Variants in TPX2 observed in about 807,000 individuals in gnomAD.
TPX2 encodes the protein targeting protein for Xklp2.
TPX2 carries 21 observed loss-of-function variants against 93.6 expected under a neutral mutation model. The ratio of observed to expected loss-of-function variants is 0.22; its 90% CI spans 0.16 to 0.32. The LOEUF (loss-of-function observed/expected upper bound fraction) is 0.32, where lower values mean the gene tolerates loss of function less well. Among genes scored for constraint, TPX2 ranks in the 10% least tolerant of loss-of-function variants. The probability of loss-of-function intolerance (pLI) is 1.00; values close to 1 mark genes in which losing one functional copy is unlikely to be tolerated. For synonymous variants in TPX2, 281 were observed against 298.3 expected, an observed-to-expected ratio of 0.94 and a Z score of 0.60; for missense variants, 776 against 871.1, an observed-to-expected ratio of 0.89 and a Z score of 1.37.
chr20:31,747,268 G>T (rs950312928), intron 2 of TPX2, among the ~76,000 whole-genome samples: 1 of 152,000 alleles, frequency 6.6e-6, no homozygotes, highest in Non-Finnish European at 1.5e-5. Context: ...TTAAAGGCAC[G>T]TACCCACCAC....
chr20:31,796,910 A>G (rs953110389), intron 15 of TPX2, among the ~76,000 whole-genome samples: 8 of 152,036 alleles, frequency 5.3e-5, no homozygotes, highest in African/African-American at 1.7e-4. Flanking sequence ...TGATGTTTCA[A>G]TATGTATAAT....
intron 10 of TPX2, chr20:31,780,942 C>T (rs1316351734): frequency 2.4e-6 from 1 of 409,770 alleles, no homozygotes; most frequent in Non-Finnish European, 4.8e-6. Context: ...TTTTTAGAGA[C>T]AGGGTCTTGC....
Position 31,757,494 on chromosome 20 carries a change from C to T in TPX2, c.18C>T (p.Ser6=). Residue 6 remains serine, a synonymous_variant, in exon 3 of 18, where the codon AGC becomes AGT. Transcript: ENST00000300403. The part of the protein sequence containing the change: MSQVK[S]SYSYDAPSDF... ...GGGAGACAATGTCACAAGTTAAAAG[C>T]TCTTATTCCTATGATGCCCCCTCGG... is the stretch of plus-strand genomic sequence containing the variant. The T allele has an allele frequency of 6.2e-7, 1 of 1,614,012 alleles. No individual in the cohort carries two copies. The highest frequency in any genetic ancestry group is 1.1e-5 in the South Asian group (1 of 91,068).
intron 3 of TPX2, among the ~76,000 whole-genome samples, chr20:31,758,787 A>G (rs1202667436): frequency 6.6e-6 from 1 of 152,156 alleles, no homozygotes; most frequent in Non-Finnish European, 1.5e-5. Context: ...GTAAATAAAT[A>G]CAAGGGCCAG....
At chr20:31,747,406 C>T (rs1312778004) in intron 2 of TPX2, among the ~76,000 whole-genome samples, 16 of 152,194 alleles carry the variant, frequency 1.1e-4, no homozygotes, top group Admixed American at 1.0e-3. Flanking sequence ...GCATAAGTCA[C>T]TGTGCCCGGC....
intron 7 of TPX2, among the ~76,000 whole-genome samples, chr20:31,774,771 T>G (rs2061985386): frequency 1.3e-5 from 2 of 152,198 alleles, no homozygotes; most frequent in Admixed American, 6.5e-5. Context: ...CTACTGGTCT[T>G]TTTTTGTTTT....
chr20:31,797,251 T>C (rs2123099635), intron 15 of TPX2, among the ~76,000 whole-genome samples, 153 bp from the exon 16 acceptor site: 1 of 152,352 alleles, frequency 6.6e-6, no homozygotes, highest in Non-Finnish European at 1.5e-5. Context: ...GATCTGTTCA[T>C]TGTAAAGTTT....
At chr20:31,791,430 C>T (rs1007737765) in intron 12 of TPX2, among the ~76,000 whole-genome samples, 1 of 152,086 alleles carries the variant, frequency 6.6e-6, no homozygotes, top group African/African-American at 2.4e-5. Context: ...ACTACAGGCA[C>T]CCGCCACCAT....
At chr20:31,747,293 G>T (rs2061789578) in intron 2 of TPX2, among the ~76,000 whole-genome samples, 3 of 152,092 alleles carry the variant, frequency 2.0e-5, no homozygotes, top group African/African-American at 7.2e-5. Flanking sequence ...GCTAATTTTT[G>T]TATTTTTAGT....
At chr20:31,780,367 T>A (rs1401035459) in intron 10 of TPX2, among the ~76,000 whole-genome samples, 3 of 152,190 alleles carry the variant, frequency 2.0e-5, no homozygotes, top group Admixed American at 1.3e-4. Context: ...CAGCATTTTT[T>A]AATATTATTA....
intron 12 of TPX2, among the ~76,000 whole-genome samples, chr20:31,784,795 C>T (rs961367767): frequency 1.3e-5 from 2 of 152,172 alleles, no homozygotes; most frequent in Non-Finnish European, 2.9e-5. Context: ...AGCAAGGCTA[C>T]AGTCAGAGAA....
chr20:31,754,411 T>C (rs1394013819), intron 2 of TPX2, among the ~76,000 whole-genome samples: 2 of 152,166 alleles, frequency 1.3e-5, no homozygotes, highest in Admixed American at 1.3e-4. Flanking sequence ...CCTAGTCCAC[T>C]GAGAGAAGCT....
intron 3 of TPX2, 109 bp from the exon 4 acceptor site, chr20:31,759,946 CAT>C (rs2061878292): frequency 7.7e-6 from 11 of 1,429,334 alleles, no homozygotes; most frequent in Non-Finnish European, 1.0e-5. Context: ...GTACTTGCCA[CAT>C]GAGTTGGAAG....
intron 9 of TPX2, 73 bp downstream of exon 9, chr20:31,777,711 C>T (rs2062010041): frequency 6.6e-7 from 1 of 1,509,214 alleles, no homozygotes; most frequent in Admixed American, 1.8e-5. Context: ...CATTTGTGGT[C>T]ACTGTTTATA....
intron 5 of TPX2, among the ~76,000 whole-genome samples, chr20:31,767,480 C>T (rs748514957): frequency 1.3e-5 from 2 of 152,060 alleles, no homozygotes; most frequent in Non-Finnish European, 2.9e-5. Context: ...TCAAGTGATC[C>T]TCCTGCCTCA....
At chr20:31,777,937 C>A (rs1037944297) in intron 9 of TPX2, among the ~76,000 whole-genome samples, 8 of 152,006 alleles carry the variant, frequency 5.3e-5, no homozygotes, top group African/African-American at 1.7e-4. Flanking sequence ...CCACCACTCC[C>A]AGCTAATTTT....
chr20:31,800,741 A>T (rs985853675), intron 17 of TPX2, among the ~76,000 whole-genome samples: 2 of 152,216 alleles, frequency 1.3e-5, no homozygotes, highest in African/African-American at 4.8e-5. Flanking sequence ...GCCTAAAGGA[A>T]AGCTGGGGGA....
chr20:31,745,528 A>G (rs904350767), intron 2 of TPX2, among the ~76,000 whole-genome samples: 5 of 152,252 alleles, frequency 3.3e-5, no homozygotes, highest in Non-Finnish European at 7.4e-5. Context: ...GGGTTTTGCC[A>G]TATTGGCCAG....
chr20:31,766,795 C>CTTTTTTTTTTT (rs11299452), intron 5 of TPX2, 113 bp downstream of exon 5: 5 of 450,868 alleles, frequency 1.1e-5, no homozygotes, highest in Admixed American at 6.8e-5. Context: ...CTTTATGTTA[C>CTTTTTTTTTTT]TTTTTTTTTT....
Sources: gnomAD v4.1 joint callset for allele counts (sites outside exome capture counted in the v4.1 genomes callset) on GRCh38, gnomAD v4.1.1 for gene constraint, MANE v1.5 for transcripts, NCBI Gene and HGNC (gene_info 2026-07-23, HGNC 2026-07-21) for gene names.